GGACT: variants seen among roughly 807,000 people sequenced by gnomAD.
The protein encoded by GGACT is gamma-glutamylamine cyclotransferase, also known as gamma-glutamylaminecyclotransferase.
For synonymous variants in GGACT, 118 were observed against 115.3 expected, an observed-to-expected ratio of 1.02 and a Z score of -0.15; for missense variants, 241 against 233.2, an observed-to-expected ratio of 1.03 and a Z score of -0.22.
intron 2 of GGACT, among the ~76,000 whole-genome samples, chr13:100,549,567 G>A (rs769028092): frequency 4.6e-5 from 7 of 152,238 alleles, no homozygotes; most frequent in Admixed American, 1.3e-4. Flanking sequence ...TTGTGCCAGC[G>A]GCAGGGAGCT....
At chr13:100,538,974 G>T (rs1049028074) in intron 2 of GGACT, 1 of 152,080 alleles carries the variant, frequency 6.6e-6, no homozygotes, top group Non-Finnish European at 1.5e-5. Context: ...TATTCTTTTT[G>T]ATGCTATCAT....
intron 2 of GGACT, among the ~76,000 whole-genome samples, chr13:100,547,962 C>T (rs988345110): frequency 2.0e-5 from 3 of 152,262 alleles, no homozygotes; most frequent in Non-Finnish European, 4.4e-5. Flanking sequence ...GCAGCAATCA[C>T]ACGCTGGCAG....
chr13:100,577,416 C>CAAAA (rs1246035632), intron 2 of GGACT, among the ~76,000 whole-genome samples: 4,812 of 29,960 alleles, frequency 0.16, 296 homozygotes, highest in African/African-American at 0.28. Flanking sequence ...GACTCCATCT[C>CAAAA]AAAAATAAAT....
At chr13:100,561,740 G>A (rs1291531198) in intron 2 of GGACT, among the ~76,000 whole-genome samples, 1 of 152,224 alleles carries the variant, frequency 6.6e-6, no homozygotes, top group Non-Finnish European at 1.5e-5. Context: ...CAGGACCCTG[G>A]AGGGGCAGAG....
At chr13:100,547,554 G>A (rs984277290) in intron 2 of GGACT, among the ~76,000 whole-genome samples, 7 of 152,346 alleles carry the variant, frequency 4.6e-5, no homozygotes, top group East Asian at 1.9e-4. Flanking sequence ...TGTCACTCGT[G>A]TGCGTTCTTG....
chr13:100,564,689 G>A (rs1036334643), intron 2 of GGACT, among the ~76,000 whole-genome samples: 2 of 152,106 alleles, frequency 1.3e-5, no homozygotes, highest in Admixed American at 6.5e-5. Flanking sequence ...ATTCAAGGTC[G>A]ACCGAAGTAC....
rs1020427697 is a variant in GGACT at position 100,532,379 on chromosome 13, G to T, written c.213C>A (p.Asp71Glu). The T allele has an allele frequency of 6.5e-7, 1 of 1,550,386 alleles. No homozygotes were observed. Among genetic ancestry groups the T allele is most frequent in the African/African-American group, 1.4e-5 (1 of 73,040 alleles). Reference protein sequence around the residue: ...RLVEGEVYAVDERMLRFLDDF... With the variant: ...RLVEGEVYAVEERMLRFLDDF... ...CATCCAGAAAGCGCAGCATCCGCTC[G>T]TCTACCGCGTAGACCTCGCCCTCCA... is the stretch of plus-strand genomic sequence containing the variant. The change falls in exon 3 of 3, where the codon GAC becomes GAA. Residue 71 changes from aspartate (D) to glutamate (E), a missense_variant. Transcript: ENST00000683975.
chr13:100,582,405 C>A (rs1305210408), intron 2 of GGACT, among the ~76,000 whole-genome samples: 5 of 152,320 alleles, frequency 3.3e-5, no homozygotes, highest in South Asian at 4.1e-4. Context: ...AATGGCCACC[C>A]AAAGATGTTT....
intron 2 of GGACT, chr13:100,541,730 A>T (rs1168621040): frequency 1.3e-5 from 2 of 152,248 alleles, no homozygotes; most frequent in African/African-American, 4.8e-5. Flanking sequence ...CAGAAGGTTA[A>T]TTCCAACTCT....
At chr13:100,582,555 C>T (rs1397316543) in intron 2 of GGACT, among the ~76,000 whole-genome samples, 1 of 152,158 alleles carries the variant, frequency 6.6e-6, no homozygotes, top group Non-Finnish European at 1.5e-5. Context: ...ATCCTTAAAA[C>T]TGGAAAACCT....
intron 2 of GGACT, among the ~76,000 whole-genome samples, chr13:100,577,286 G>A (rs1217580417): frequency 6.6e-6 from 1 of 151,870 alleles, no homozygotes; most frequent in East Asian, 1.9e-4. Flanking sequence ...CGTGGTGGTG[G>A]GTGCCTGTAA....
At chr13:100,584,729 G>A (rs936317673) in intron 1 of GGACT, among the ~76,000 whole-genome samples, 1 of 152,098 alleles carries the variant, frequency 6.6e-6, no homozygotes, top group African/African-American at 2.4e-5. Flanking sequence ...TGTAATGAGG[G>A]TTTATTATTA....
intron 2 of GGACT, among the ~76,000 whole-genome samples, chr13:100,553,291 C>A (rs2088682537): frequency 6.6e-6 from 1 of 152,128 alleles, no homozygotes; most frequent in Admixed American, 6.5e-5. Flanking sequence ...CAGGCAGATG[C>A]AGGCAAAAAT....
chr13:100,548,816 A>G (rs968728212), intron 2 of GGACT, among the ~76,000 whole-genome samples: 28 of 152,280 alleles, frequency 1.8e-4, no homozygotes, highest in African/African-American at 6.7e-4. Context: ...AGGCAAAGCC[A>G]CAACAGGGTG....
At chr13:100,541,150 A>G (rs909112177) in intron 2 of GGACT, among the ~76,000 whole-genome samples, 1 of 152,176 alleles carries the variant, frequency 6.6e-6, no homozygotes, top group Non-Finnish European at 1.5e-5. Flanking sequence ...CTTGGTCTCT[A>G]CCTTAATGTG....
intron 2 of GGACT, among the ~76,000 whole-genome samples, chr13:100,542,254 G>C (rs1371165212): frequency 6.6e-6 from 1 of 152,228 alleles, no homozygotes; most frequent in Non-Finnish European, 1.5e-5. Context: ...AAGCAGAGCA[G>C]CCGCTGACCC....
At position 100,545,881 on chromosome 13, in the gene GGACT, T is replaced by C. The variant is rs2088599322; in HGVS notation, c.-10-13280A>G. On this transcript the variant is annotated intron_variant, in intron 2 of 2. Transcript: ENST00000683975. This position sits in a 1 kb window ranked among gnomAD's most constrained non-coding sequence, Gnocchi z 4.4. The stretch of plus-strand genomic sequence containing the variant: ...GACACCAAAGGCCCCATCATGTCCC[T>C]TCCTACACATGCGTCAGCCAACCAC... 6.6e-6 allele frequency among the ~76,000 whole-genome samples: 1 copy of C among 152,182 alleles called. No individual in the cohort carries two copies. Among genetic ancestry groups the C allele is most frequent in the African/African-American group, 2.4e-5 (1 of 41,444 alleles).
intron 2 of GGACT, chr13:100,538,516 G>A (rs2088519744): frequency 6.6e-6 from 1 of 152,180 alleles, no homozygotes; most frequent in South Asian, 2.1e-4. Flanking sequence ...GTATATTTGA[G>A]TTGTGAAAAA....
chr13:100,576,856 T>G (rs1299713697), intron 2 of GGACT, among the ~76,000 whole-genome samples: 3 of 152,174 alleles, frequency 2.0e-5, no homozygotes, highest in Non-Finnish European at 2.9e-5. Flanking sequence ...TGATGGCCAG[T>G]ACAAGAATCC....
Sources: gnomAD v4.1 joint callset for allele counts (sites outside exome capture counted in the v4.1 genomes callset) on GRCh38, gnomAD v4.1.1 for gene constraint, Gnocchi (gnomAD v3.1) non-coding constraint, MANE v1.5 for transcripts, NCBI Gene and HGNC (gene_info 2026-07-23, HGNC 2026-07-21) for gene names.